CAMKMT: variants seen among roughly 807,000 people sequenced by gnomAD.
CAMKMT encodes the protein CaM KMT.
A neutral mutation model predicts 48.0 loss-of-function variants in CAMKMT; 53 were observed. That is an observed-to-expected ratio of 1.10 (90% confidence interval 0.89 to 1.39). The LOEUF is 1.39. Among genes scored for constraint, CAMKMT ranks in the 40% most tolerant of loss-of-function variants. The probability of loss-of-function intolerance (pLI) is 0.00; values close to 1 mark genes in which losing one functional copy is unlikely to be tolerated. For missense variants in CAMKMT, 428 were observed against 402.7 expected (o/e 1.06, Z -0.54); for synonymous variants, 165 against 152.3 (o/e 1.08, Z -0.61).
chr2:44,537,228 C>G (rs1457027058), intron 3 of CAMKMT, among the ~76,000 whole-genome samples: 1 of 152,184 alleles, frequency 6.6e-6, no homozygotes, highest in Non-Finnish European at 1.5e-5. Context: ...AAAGGCATAA[C>G]CTTCTGAATA....
At chr2:44,639,954 C>T (rs1243622240) in intron 3 of CAMKMT, among the ~76,000 whole-genome samples, 1 of 152,198 alleles carries the variant, frequency 6.6e-6, no homozygotes, top group Non-Finnish European at 1.5e-5. Flanking sequence ...CCAGTGAATG[C>T]ATGTGAATTT....
intron 3 of CAMKMT, among the ~76,000 whole-genome samples, chr2:44,478,204 C>T (rs1213415273): frequency 6.6e-6 from 1 of 152,174 alleles, no homozygotes; most frequent in Non-Finnish European, 1.5e-5. Flanking sequence ...CCCAATATTT[C>T]TGCAATAGTC....
At chr2:44,422,718 A>C (rs1684013950) in intron 3 of CAMKMT, among the ~76,000 whole-genome samples, 1 of 151,974 alleles carries the variant, frequency 6.6e-6, no homozygotes, top group Non-Finnish European at 1.5e-5. Flanking sequence ...TTAATTTTCA[A>C]ACATCTCAAC....
chr2:44,722,997 C>T (rs563855060), intron 7 of CAMKMT, among the ~76,000 whole-genome samples: 164 of 152,278 alleles, frequency 1.1e-3, no homozygotes, highest in Admixed American at 3.8e-3. Flanking sequence ...GAAATAAGTT[C>T]ATTTCTGCTA....
At chr2:44,639,027 C>T (rs1673302770) in intron 3 of CAMKMT, among the ~76,000 whole-genome samples, 1 of 152,210 alleles carries the variant, frequency 6.6e-6, no homozygotes, top group Non-Finnish European at 1.5e-5. Flanking sequence ...TCATTGCATC[C>T]TGAGTTACAT....
At chr2:44,391,380 T>G (rs555870058) in intron 3 of CAMKMT, among the ~76,000 whole-genome samples, 30 of 152,280 alleles carry the variant, frequency 2.0e-4, no homozygotes, top group Non-Finnish European at 3.8e-4. Context: ...TCTTTTTTTT[T>G]AAATTTTCCA....
chr2:44,627,505 A>T (rs983375324), intron 3 of CAMKMT, among the ~76,000 whole-genome samples: 3 of 152,036 alleles, frequency 2.0e-5, no homozygotes, highest in Non-Finnish European at 4.4e-5. Flanking sequence ...CAGTGAATCC[A>T]TCTGAACCTG....
intron 3 of CAMKMT, among the ~76,000 whole-genome samples, chr2:44,680,181 A>T (rs1263620843): frequency 6.6e-6 from 1 of 152,206 alleles, no homozygotes; most frequent in African/African-American, 2.4e-5. Context: ...ACTAAAGTGA[A>T]AATGATTGTG....
intron 3 of CAMKMT, among the ~76,000 whole-genome samples, chr2:44,587,446 C>T (rs189948040): frequency 6.7e-6 from 1 of 148,640 alleles, no homozygotes; most frequent in African/African-American, 2.5e-5. Flanking sequence ...CTCCCTCCCC[C>T]TCCCCCTCCC....
At chr2:44,575,132 G>A (rs574435735) in intron 3 of CAMKMT, among the ~76,000 whole-genome samples, 23 of 152,042 alleles carry the variant, frequency 1.5e-4, no homozygotes, top group African/African-American at 5.3e-4. Context: ...AGGCTGGGGT[G>A]CAGTGGCGCA....
intron 3 of CAMKMT, among the ~76,000 whole-genome samples, chr2:44,417,693 G>T (rs774798386): frequency 1.3e-4 from 20 of 152,198 alleles, no homozygotes; most frequent in Admixed American, 2.0e-4. Flanking sequence ...GAGAGTTCCA[G>T]TTGCTTCACA....
intron 3 of CAMKMT, among the ~76,000 whole-genome samples, chr2:44,461,634 G>A (rs931056421): frequency 1.3e-5 from 2 of 152,184 alleles, no homozygotes; most frequent in Non-Finnish European, 2.9e-5. Context: ...GGGTTATAGA[G>A]GGTGGCCAAT....
chr2:44,741,221 G>T (rs1265164667), intron 7 of CAMKMT, among the ~76,000 whole-genome samples: 2 of 152,182 alleles, frequency 1.3e-5, no homozygotes, highest in Non-Finnish European at 2.9e-5. Context: ...AACAAAGTCT[G>T]GTCCTCCCCC....
chr2:44,502,122 G>T (rs183357679), intron 3 of CAMKMT, among the ~76,000 whole-genome samples: 2 of 152,222 alleles, frequency 1.3e-5, no homozygotes, highest in East Asian at 3.9e-4. Context: ...TCAGGAGGCT[G>T]AGGCAGGAGA....
intron 3 of CAMKMT, among the ~76,000 whole-genome samples, chr2:44,613,368 C>T (rs895782074): frequency 2.6e-5 from 4 of 152,130 alleles, no homozygotes; most frequent in African/African-American, 9.7e-5. Context: ...CAGAAACCTC[C>T]AGATCTCCCT....
chr2:44,651,275 T>C (rs1674048114), intron 3 of CAMKMT, among the ~76,000 whole-genome samples: 1 of 152,244 alleles, frequency 6.6e-6, no homozygotes, highest in Admixed American at 6.5e-5. Flanking sequence ...AGCAATCTAG[T>C]TACCTGAAAG....
intron 3 of CAMKMT, among the ~76,000 whole-genome samples, chr2:44,475,083 C>T (rs979052984): frequency 1.3e-5 from 2 of 152,130 alleles, no homozygotes; most frequent in African/African-American, 4.8e-5. Flanking sequence ...AAATGTAATC[C>T]TTCTATAGCA....
intron 3 of CAMKMT, among the ~76,000 whole-genome samples, chr2:44,484,566 A>C (rs1669122951): frequency 6.6e-6 from 1 of 152,076 alleles, no homozygotes. Flanking sequence ...ATATACAAAT[A>C]TCAATTTCAG....
At chr2:44,444,400 T>C (rs1158322958) in intron 3 of CAMKMT, among the ~76,000 whole-genome samples, 1 of 152,172 alleles carries the variant, frequency 6.6e-6, no homozygotes, top group Non-Finnish European at 1.5e-5. Flanking sequence ...TCACATGAGC[T>C]TTTGATAGGC....
Sources: allele counts gnomAD v4.1 joint callset (sites outside exome capture counted in the v4.1 genomes callset), GRCh38; gene constraint gnomAD v4.1.1; transcripts MANE v1.5; gene names NCBI Gene and HGNC (gene_info 2026-07-23, HGNC 2026-07-21).